PLCXD3: variants seen among roughly 807,000 people sequenced by gnomAD.
PLCXD3 encodes the protein phosphatidylinositol specific phospholipase C X domain containing 3.
PLCXD3 carries 19 observed loss-of-function variants against 25.5 expected under a neutral mutation model. The observed-to-expected ratio is 0.75, with a 90% CI of 0.52 to 1.09. The LOEUF (loss-of-function observed/expected upper bound fraction) is 1.09. Ranked by LOEUF, PLCXD3 falls within the 50% of genes least tolerant of loss-of-function variation. The pLI is 0.00. For synonymous variants in PLCXD3, 174 were observed against 137.6 expected, an observed-to-expected ratio of 1.26 and a Z score of -1.85; for missense variants, 411 against 388.1, an observed-to-expected ratio of 1.06 and a Z score of -0.50.
intron 1 of PLCXD3, among the ~76,000 whole-genome samples, chr5:41,459,376 A>G (rs1352428703): frequency 2.6e-5 from 4 of 151,846 alleles, no homozygotes; most frequent in African/African-American, 4.8e-5. Flanking sequence ...AAGCCCTTCA[A>G]TTAGATTTCA....
chr5:41,501,295 A>G (rs774773462), intron 1 of PLCXD3, among the ~76,000 whole-genome samples: 1 of 152,056 alleles, frequency 6.6e-6, no homozygotes, highest in Non-Finnish European at 1.5e-5. Context: ...ATCAAAATGT[A>G]TATCAATGGA....
intron 1 of PLCXD3, among the ~76,000 whole-genome samples, chr5:41,451,810 C>T (rs1191895255): frequency 2.0e-5 from 3 of 151,882 alleles, no homozygotes; most frequent in Non-Finnish European, 4.4e-5. Context: ...CTTCAGAGAG[C>T]AATTTTCTTT....
At chr5:41,467,280 A>T (rs1748040215) in intron 1 of PLCXD3, among the ~76,000 whole-genome samples, 1 of 152,150 alleles carries the variant, frequency 6.6e-6, no homozygotes, top group African/African-American at 2.4e-5. Flanking sequence ...AATGAGGTTT[A>T]AGTTGAATTT....
At chr5:41,500,202 T>C (rs1748923427) in intron 1 of PLCXD3, among the ~76,000 whole-genome samples, 1 of 151,898 alleles carries the variant, frequency 6.6e-6, no homozygotes, top group African/African-American at 2.4e-5. Flanking sequence ...ATAAAGAAAA[T>C]GTGGCATGTA....
intron 2 of PLCXD3, among the ~76,000 whole-genome samples, chr5:41,376,136 A>G (rs1443895361): frequency 6.6e-6 from 1 of 152,076 alleles, no homozygotes; most frequent in African/African-American, 2.4e-5. Flanking sequence ...CCTTACACTC[A>G]AGATGATCAC....
chr5:41,367,138 C>A (rs1744959347), intron 2 of PLCXD3, among the ~76,000 whole-genome samples: 2 of 152,036 alleles, frequency 1.3e-5, no homozygotes, highest in Non-Finnish European at 2.9e-5. Flanking sequence ...GATTTATATT[C>A]TTTTGGGTAT....
intron 1 of PLCXD3, among the ~76,000 whole-genome samples, chr5:41,395,757 A>C (rs2150497850): frequency 6.6e-6 from 1 of 152,272 alleles, no homozygotes; most frequent in South Asian, 2.1e-4. Flanking sequence ...CTGAACCAAA[A>C]GAAATCCAAA....
rs968284358 is a variant in PLCXD3 at position 41,428,683 on chromosome 5, G to A, written c.104-46149C>T. Among the ~76,000 whole-genome samples, 18 of 152,094 alleles carry A rather than the reference G, an allele frequency of 1.2e-4. 1 individual carries two copies. The highest frequency in any genetic ancestry group is 4.1e-4 in the African/African-American group (17 of 41,418). The stretch of plus-strand genomic sequence containing the variant: ...ACACTAATAGTGTTTTACCACAGGA[G>A]TCTCCAACTTAAAATTTTTCAAAAC... On this transcript the variant is annotated intron_variant, in intron 1 of 2. Coordinates refer to ENST00000377801, the MANE Select transcript of PLCXD3 (RefSeq NM_001005473.3).
intron 1 of PLCXD3, among the ~76,000 whole-genome samples, chr5:41,427,873 T>C (rs1043795898): frequency 2.0e-5 from 3 of 152,072 alleles, no homozygotes; most frequent in Non-Finnish European, 4.4e-5. Context: ...CCCAACACCA[T>C]CAAAGGCACA....
At chr5:41,415,906 A>G (rs900153469) in intron 1 of PLCXD3, among the ~76,000 whole-genome samples, 2 of 152,202 alleles carry the variant, frequency 1.3e-5, no homozygotes, top group African/African-American at 4.8e-5. Context: ...ATGTAGGGAA[A>G]CTACATATTA....
chr5:41,470,664 C>T (rs554884372), intron 1 of PLCXD3, among the ~76,000 whole-genome samples: 47 of 152,116 alleles, frequency 3.1e-4, no homozygotes, highest in Non-Finnish European at 5.6e-4. Flanking sequence ...GGCTGAGTTC[C>T]TAGTAAAAAT....
rs56721407 is a variant in PLCXD3 at position 41,312,685 on chromosome 5, T to TTTCCTTCCTTCCTTCCTTCCTTCCTTCC, written c.*904_*931dup. ...CTTCCTCCCTCCCTTCCTTTCTTCC[T>TTTCCTTCCTTCCTTCCTTCCTTCCTTCC]TTCCTTCCTTCCTTCCTTCCTTCCT... On this transcript the variant is annotated 3_prime_UTR_variant, in exon 3 of 3. Transcript: ENST00000377801. 1.9e-5 allele frequency: 2 copies of TTTCCTTCCTTCCTTCCTTCCTTCCTTCC among 104,678 alleles called. No homozygotes were observed. Among genetic ancestry groups the TTTCCTTCCTTCCTTCCTTCCTTCCTTCC allele is most frequent in the Non-Finnish European group, 3.9e-5 (2 of 51,288 alleles). The allele number at this position is 104,678 out of a possible 1,614,324, so 6.5% of individuals were successfully genotyped here. A position where few individuals can be genotyped will look rare whatever the true frequency, so the allele number is the denominator to read the frequency against.
chr5:41,484,337 A>G (rs1748474754), intron 1 of PLCXD3, among the ~76,000 whole-genome samples: 1 of 152,084 alleles, frequency 6.6e-6, no homozygotes, highest in Non-Finnish European at 1.5e-5. Flanking sequence ...TAGGTAAGCC[A>G]TGTTTAAGTT....
chr5:41,343,558 G>C (rs1744220340), intron 2 of PLCXD3, among the ~76,000 whole-genome samples: 1 of 152,076 alleles, frequency 6.6e-6, no homozygotes, highest in Admixed American at 6.5e-5. Context: ...CCCAACAGGT[G>C]GTTTCACAGG....
At chr5:41,377,017 A>G (rs917697986) in intron 2 of PLCXD3, among the ~76,000 whole-genome samples, 1 of 152,114 alleles carries the variant, frequency 6.6e-6, no homozygotes, top group Non-Finnish European at 1.5e-5. Flanking sequence ...AATGGTTATA[A>G]GACTCCATAT....
At chr5:41,474,296 A>C (rs1390619458) in intron 1 of PLCXD3, among the ~76,000 whole-genome samples, 1 of 152,166 alleles carries the variant, frequency 6.6e-6, no homozygotes. Flanking sequence ...CTTCAGATGT[A>C]CCTAATCACA....
At chr5:41,508,643 A>G (rs1196595310) in intron 1 of PLCXD3, among the ~76,000 whole-genome samples, 2 of 152,226 alleles carry the variant, frequency 1.3e-5, no homozygotes, top group Non-Finnish European at 2.9e-5. Flanking sequence ...CCATCTCAGA[A>G]CTAGATAAAC....
chr5:41,409,049 C>A (rs939512109), intron 1 of PLCXD3, among the ~76,000 whole-genome samples: 2 of 152,162 alleles, frequency 1.3e-5, no homozygotes, highest in Non-Finnish European at 1.5e-5. Context: ...CAGAAGTGAA[C>A]CCAGTTGCTT....
chr5:41,403,410 T>TTTTTTTTTG (rs1554047973), intron 1 of PLCXD3, among the ~76,000 whole-genome samples: 3 of 41,956 alleles, frequency 7.2e-5, no homozygotes, highest in East Asian at 5.8e-4. Flanking sequence ...TGTTTTTTTT[T>TTTTTTTTTG]TTTTTTATTA....
Sources: gnomAD v4.1 joint callset for allele counts (sites outside exome capture counted in the v4.1 genomes callset) on GRCh38, gnomAD v4.1.1 for gene constraint, MANE v1.5 for transcripts, NCBI Gene and HGNC (gene_info 2026-07-23, HGNC 2026-07-21) for gene names.